The following MACROD2 variants were observed in gnomAD, a reference collection of about 807,000 sequenced individuals.
The protein encoded by MACROD2 is ADP-ribose glycohydrolase MACROD2.
Under a neutral mutation model 70.4 loss-of-function variants are expected in MACROD2, and 36 were observed. The ratio of observed to expected loss-of-function variants is 0.51; its 90% CI spans 0.39 to 0.68. The LOEUF (loss-of-function observed/expected upper bound fraction) is 0.68. Ranked by LOEUF, MACROD2 falls within the 30% of genes least tolerant of loss-of-function variation. The pLI is 0.00. For missense variants in MACROD2, 496 were observed against 538.4 expected, an observed-to-expected ratio of 0.92 and a Z score of 0.78; for synonymous variants, 172 against 178.8, an observed-to-expected ratio of 0.96 and a Z score of 0.30.
chr20:14,667,117 G>A (rs1424924077), intron 4 of MACROD2, among the ~76,000 whole-genome samples: 1 of 152,060 alleles, frequency 6.6e-6, no homozygotes, highest in Admixed American at 6.6e-5. Context: ...GTAAAGCAGT[G>A]TGGCCAGAAT....
chr20:14,502,381 A>G (rs574772781), intron 4 of MACROD2, among the ~76,000 whole-genome samples: 1 of 152,334 alleles, frequency 6.6e-6, no homozygotes, highest in African/African-American at 2.4e-5. Context: ...CAAGATCTCC[A>G]GGGTCCTGTC....
chr20:15,336,713 G>A (rs1417599893), intron 6 of MACROD2, among the ~76,000 whole-genome samples: 3 of 151,698 alleles, frequency 2.0e-5, no homozygotes, highest in African/African-American at 4.9e-5. Context: ...TGCGGGGACA[G>A]TTGTCAGCGT....
chr20:15,597,345 G>C (rs1411262893), intron 8 of MACROD2, among the ~76,000 whole-genome samples: 1 of 152,198 alleles, frequency 6.6e-6, no homozygotes, highest in Non-Finnish European at 1.5e-5. Flanking sequence ...TTTTACAGTG[G>C]TGCAAAGGGT....
chr20:14,705,752 G>A (rs1418574174), intron 5 of MACROD2, among the ~76,000 whole-genome samples: 1 of 151,956 alleles, frequency 6.6e-6, no homozygotes, highest in Non-Finnish European at 1.5e-5. Flanking sequence ...TTCATTCATA[G>A]CTTTGTTTTA....
chr20:15,251,603 TCTC>T (rs1220546155), intron 6 of MACROD2, among the ~76,000 whole-genome samples: 1 of 152,226 alleles, frequency 6.6e-6, no homozygotes, highest in Non-Finnish European at 1.5e-5. Context: ...TTATGCATAA[TCTC>T]CTTGTTCTCA....
intron 8 of MACROD2, among the ~76,000 whole-genome samples, chr20:15,789,920 A>G (rs1353115152): frequency 6.6e-6 from 1 of 152,084 alleles, no homozygotes; most frequent in African/African-American, 2.4e-5. Context: ...TCGTTGATGA[A>G]TAACTATGAA....
rs765447711 is a variant in MACROD2, at chr20:15,499,862, A to G, written c.645+15A>G. On this transcript the variant is annotated intron_variant, in intron 8 of 17. Coordinates refer to ENST00000684519, the MANE Select transcript of MACROD2 (RefSeq NM_001351661.2). ...ATCACCATGAGGTAGGAGGAACGAC[A>G]TAATCAGTGAACATCCAAGATGATG... 3 of 1,609,634 alleles carry G rather than the reference A, an allele frequency of 1.9e-6. No homozygotes were observed. The highest frequency in any genetic ancestry group is 2.6e-6 in the Non-Finnish European group (3 of 1,176,118).
chr20:15,394,173 G>A (rs989108919), intron 6 of MACROD2, among the ~76,000 whole-genome samples: 8 of 152,112 alleles, frequency 5.3e-5, no homozygotes, highest in Admixed American at 6.6e-5. Context: ...TGCAGCAAAC[G>A]TAATATAGGA....
At chr20:14,995,798 C>G (rs746853541) in intron 5 of MACROD2, among the ~76,000 whole-genome samples, 2 of 151,982 alleles carry the variant, frequency 1.3e-5, no homozygotes, top group East Asian at 1.9e-4. Context: ...TATTACGTAT[C>G]GAAACCTATG....
At chr20:15,726,035 A>C (rs1001472891) in intron 8 of MACROD2, among the ~76,000 whole-genome samples, 4 of 152,030 alleles carry the variant, frequency 2.6e-5, no homozygotes, top group African/African-American at 7.2e-5. Context: ...GCCCAGGTAA[A>C]AAGCATACTA....
At chr20:14,232,013 T>C (rs1178321817) in intron 3 of MACROD2, among the ~76,000 whole-genome samples, 2 of 152,236 alleles carry the variant, frequency 1.3e-5, no homozygotes, top group Non-Finnish European at 2.9e-5. Context: ...GTAAATTTGT[T>C]TGAGTTCATT....
At chr20:15,447,173 A>G (rs940977411) in intron 7 of MACROD2, among the ~76,000 whole-genome samples, 1 of 152,024 alleles carries the variant, frequency 6.6e-6, no homozygotes, top group Non-Finnish European at 1.5e-5. Flanking sequence ...AGGAAGAGGT[A>G]AAAAATAGGA....
chr20:16,021,472 C>T (rs763756718), intron 15 of MACROD2, among the ~76,000 whole-genome samples: 5 of 152,180 alleles, frequency 3.3e-5, no homozygotes, highest in Non-Finnish European at 7.3e-5. Context: ...CCAGGGTGCG[C>T]AGCTAGTAAC....
intron 3 of MACROD2, among the ~76,000 whole-genome samples, chr20:14,356,740 G>A (rs1301663056): frequency 6.6e-6 from 1 of 151,966 alleles, no homozygotes; most frequent in Non-Finnish European, 1.5e-5. Context: ...CCTGACTTCA[G>A]GCGATCTGCC....
At position 14,448,815 on chromosome 20, in the gene MACROD2, CT is replaced by C. The variant is rs199932356; in HGVS notation, c.272-44663del. 1.7e-4 allele frequency among the ~76,000 whole-genome samples: 26 copies of C among 152,176 alleles called. No individual in the cohort carries two copies. In the East Asian group the frequency reaches 4.4e-3, roughly 26 times the overall value. The stretch of plus-strand genomic sequence containing the variant: ...GCTTGTTATACGGAATGTATTGCTC[CT>C]CAGCAAATATGGATTTTCTAATATC... On this transcript the variant is annotated intron_variant, in intron 3 of 17. Transcript: ENST00000684519.
chr20:14,149,251 A>G (rs1026089748), intron 3 of MACROD2, among the ~76,000 whole-genome samples: 2 of 150,870 alleles, frequency 1.3e-5, no homozygotes, highest in African/African-American at 4.9e-5. Context: ...AACATGGAGT[A>G]TTTGGCTTTC....
At chr20:14,180,051 G>T (rs943293434) in intron 3 of MACROD2, among the ~76,000 whole-genome samples, 1 of 151,910 alleles carries the variant, frequency 6.6e-6, no homozygotes, top group African/African-American at 2.4e-5. Flanking sequence ...AAACCAAAAC[G>T]CTGTACCCAT....
intron 7 of MACROD2, among the ~76,000 whole-genome samples, chr20:15,493,642 G>A (rs2047258841): frequency 6.6e-6 from 1 of 152,192 alleles, no homozygotes; most frequent in East Asian, 1.9e-4. Context: ...TTTGGACAAA[G>A]TTAAAGATAA....
intron 5 of MACROD2, among the ~76,000 whole-genome samples, chr20:15,066,296 T>A (rs1019263182): frequency 6.6e-6 from 1 of 151,666 alleles, no homozygotes; most frequent in African/African-American, 2.4e-5. Context: ...AACGCCTGGC[T>A]AATTTTTTTG....
Sources: allele counts gnomAD v4.1 joint callset (sites outside exome capture counted in the v4.1 genomes callset), GRCh38; gene constraint gnomAD v4.1.1; transcripts MANE v1.5; gene names NCBI Gene and HGNC (gene_info 2026-07-23, HGNC 2026-07-21).